GPC1: variants seen among roughly 807,000 people sequenced by gnomAD.
GPC1 encodes the protein glypican-1.
Under a neutral mutation model 51.5 loss-of-function variants are expected in GPC1, and 26 were observed. The ratio of observed to expected loss-of-function variants is 0.50; its 90% CI spans 0.37 to 0.70. The LOEUF is 0.70. Ranked by LOEUF, GPC1 falls within the 30% of genes least tolerant of loss-of-function variation. GPC1 has a pLI of 0.00. For missense variants in GPC1, 775 were observed against 800.5 expected (o/e 0.97, Z 0.38); for synonymous variants, 380 against 348.3 (o/e 1.09, Z -1.01).
intron 1 of GPC1, among the ~76,000 whole-genome samples, chr2:240,446,935 G>A (rs7576849): frequency 0.031 from 4,777 of 152,264 alleles, 79 homozygotes; most frequent in Non-Finnish European, 0.034. Context: ...ATCAGAATCC[G>A]GGGTGGACTG....
intron 1 of GPC1, among the ~76,000 whole-genome samples, chr2:240,436,662 G>A (rs374894844): frequency 1.1e-4 from 16 of 152,260 alleles, no homozygotes; most frequent in African/African-American, 3.1e-4. Flanking sequence ...GACCCCCTCG[G>A]GGGGTAGTGC....
At chr2:240,458,620 A>C in intron 1 of GPC1, 1 of 180,340 alleles carries the variant, frequency 5.5e-6, no homozygotes, top group Non-Finnish European at 1.2e-5. Flanking sequence ...AGAGAGGGGG[A>C]TTGGATTCCT....
At chr2:240,454,692 CTGAG>C (rs1324559660) in intron 1 of GPC1, 1 of 152,872 alleles carries the variant, frequency 6.5e-6, no homozygotes, top group Non-Finnish European at 1.5e-5. Flanking sequence ...TCTGTTGACA[CTGAG>C]TGTCTAGGAC....
At chr2:240,438,032 A>G (rs1421722176) in intron 1 of GPC1, among the ~76,000 whole-genome samples, 1 of 152,078 alleles carries the variant, frequency 6.6e-6, no homozygotes, top group Non-Finnish European at 1.5e-5. Context: ...GGACAGGCAG[A>G]TTGTGTTGAT....
intron 1 of GPC1, chr2:240,458,568 C>T (rs2074189950): frequency 5.8e-6 from 1 of 173,514 alleles, no homozygotes; most frequent in African/African-American, 2.4e-5. Context: ...GATCTGCCGT[C>T]CTTGCAGTGG....
rs1559196091 is a variant in GPC1 at position 240,449,148 on chromosome 2, G to A, written c.167-9882G>A. Among the ~76,000 whole-genome samples, 3 of 152,202 alleles carry A rather than the reference G, an allele frequency of 2.0e-5. 1 individual carries two copies. The highest frequency in any genetic ancestry group is 2.0e-4 in the Admixed American group (3 of 15,288). On this transcript the variant is annotated intron_variant, in intron 1 of 8. Transcript: ENST00000264039. ...GACCCACTGCTCTCCAAGGAGGCTGGGGACAGTTCAGAGTTGAAAGCGGCC... is the reference window on the plus strand; with the variant it reads ...GACCCACTGCTCTCCAAGGAGGCTGAGGACAGTTCAGAGTTGAAAGCGGCC...
Position 240,435,741 on chromosome 2 carries a change from G to GCGCCGCCGC in GPC1, c.-169_-161dup, listed in dbSNP as rs933640135. ...TCGGACCTCGCACCCCGCGCGCCCC[G>GCGCCGCCGC]CGCCGCCGCCGCCGCCGGCTTTTGT... On this transcript the variant is annotated 5_prime_UTR_variant, in exon 1 of 9. Coordinates refer to ENST00000264039, the MANE Select transcript of GPC1 (RefSeq NM_002081.3). 1.0e-5 allele frequency: 3 copies of GCGCCGCCGC among 298,678 alleles called. No homozygotes were observed. The highest frequency in any genetic ancestry group is 2.2e-5 in the African/African-American group (1 of 44,688). 18.5% of individuals were successfully genotyped at this position (298,678 alleles called of 1,614,324 possible).
At chr2:240,436,837 G>A (rs371998300) in intron 1 of GPC1, among the ~76,000 whole-genome samples, 6 of 152,242 alleles carry the variant, frequency 3.9e-5, no homozygotes, top group African/African-American at 1.4e-4. Flanking sequence ...CCCGCCCAGG[G>A]GCCGTGTCAT....
At chr2:240,465,744 C>A in intron 8 of GPC1, 96 bp downstream of exon 8, 1 of 1,014,302 alleles carries the variant, frequency 9.9e-7, no homozygotes, top group South Asian at 1.5e-5. Flanking sequence ...CCCGAGGGGC[C>A]CTCTGCTCCG....
chr2:240,459,882 G>C (rs775799095), intron 2 of GPC1, among the ~76,000 whole-genome samples: 24 of 152,144 alleles, frequency 1.6e-4, no homozygotes, highest in African/African-American at 5.8e-4. Flanking sequence ...TCAGAAACAC[G>C]AGGACTTGGT....
intron 1 of GPC1, chr2:240,456,544 A>T: frequency 2.2e-6 from 1 of 463,044 alleles, no homozygotes; most frequent in Non-Finnish European, 4.5e-6. Context: ...CTCAGCTGGC[A>T]CCTGCCACCC....
chr2:240,464,208 TGGG>T (rs3838590), intron 4 of GPC1: 5 of 255,046 alleles, frequency 2.0e-5, no homozygotes, highest in Admixed American at 1.4e-4. Context: ...AAGGTGTACA[TGGG>T]GGGGGCATGA....
intron 2 of GPC1, among the ~76,000 whole-genome samples, chr2:240,460,994 C>T (rs763766466): frequency 6.1e-4 from 93 of 152,218 alleles, no homozygotes; most frequent in Non-Finnish European, 1.1e-3. Flanking sequence ...TCCGCCCCCC[C>T]ACCAGCCTTC....
At chr2:240,453,913 G>A (rs1268885772) in intron 1 of GPC1, among the ~76,000 whole-genome samples, 3 of 152,174 alleles carry the variant, frequency 2.0e-5, no homozygotes. Flanking sequence ...GCGGGTGACA[G>A]GAGCCTTAGC....
Position 240,464,931 on chromosome 2 carries a change from C to G in GPC1, c.1090C>G (p.Leu364Val), listed in dbSNP as rs975292754. 1.0e-5 allele frequency: 16 copies of G among 1,551,536 alleles called. No homozygotes were observed. In the East Asian group the frequency reaches 1.2e-4, roughly 12 times the overall value. The change falls in exon 6 of 9, where the codon CTG becomes GTG. Residue 364 changes from leucine (L) to valine (V), a missense_variant. Physicochemically the swap from Leu to Val is conservative, Grantham distance 32. Coordinates refer to ENST00000264039, the MANE Select transcript of GPC1 (RefSeq NM_002081.3). ...TGAGGAGAAGCGGCGCCGGGGCAAG[C>G]TGGCCCCGCGGGAGAGGCCACCTTC... Reference protein sequence around the residue: ...GPEEKRRRGKLAPRERPPSGT... With the variant: ...GPEEKRRRGKVAPRERPPSGT...
At chr2:240,459,279 A>C in intron 2 of GPC1, 91 bp downstream of exon 2, 2 of 1,232,984 alleles carry the variant, frequency 1.6e-6, no homozygotes, top group Non-Finnish European at 1.1e-6. Context: ...GTCAATGCCA[A>C]GGGTGGGGGA....
intron 1 of GPC1, among the ~76,000 whole-genome samples, chr2:240,444,801 C>T (rs1374930569): frequency 6.6e-6 from 1 of 152,212 alleles, no homozygotes; most frequent in Non-Finnish European, 1.5e-5. Context: ...CTGGGGCTCC[C>T]TGTGGCTGTC....
At chr2:240,453,762 G>A (rs1474844353) in intron 1 of GPC1, among the ~76,000 whole-genome samples, 33 of 151,730 alleles carry the variant, frequency 2.2e-4, no homozygotes, top group Admixed American at 2.2e-3. Context: ...GCGGTTTGCC[G>A]TCTTCGTCCC....
intron 8 of GPC1, 84 bp downstream of exon 8, chr2:240,465,732 C>A: frequency 8.6e-7 from 1 of 1,160,600 alleles, no homozygotes; most frequent in South Asian, 1.4e-5. Flanking sequence ...CGGGTTCCCC[C>A]ACCCGAGGGG....
Sources: allele counts gnomAD v4.1 joint callset (sites outside exome capture counted in the v4.1 genomes callset), GRCh38; gene constraint gnomAD v4.1.1; transcripts MANE v1.5; gene names NCBI Gene and HGNC (gene_info 2026-07-23, HGNC 2026-07-21).